The following POU2F1 variants were observed in gnomAD, a reference collection of about 807,000 sequenced individuals.
POU2F1 encodes POU class 2 homeobox 1, also known as POU domain, class 2, transcription factor 1.
POU2F1 carries 16 observed loss-of-function variants against 84.9 expected under a neutral mutation model. The ratio of observed to expected loss-of-function variants is 0.19; its 90% CI spans 0.13 to 0.29. POU2F1 has a LOEUF of 0.29. Ranked by LOEUF, POU2F1 falls within the 10% of genes least tolerant of loss-of-function variation. POU2F1 has a pLI of 1.00. For missense variants in POU2F1, 738 were observed against 942.6 expected (o/e 0.78, Z 2.84); for synonymous variants, 368 against 368.3 (o/e 1.00, Z 0.01).
intron 1 of POU2F1, among the ~76,000 whole-genome samples, chr1:167,232,467 GAA>G (rs1433415980): frequency 6.6e-6 from 1 of 152,160 alleles, no homozygotes; most frequent in African/African-American, 2.4e-5. Flanking sequence ...AGGATATAAA[GAA>G]AAATTTTTTG....
chr1:167,322,949 T>A (rs1376203673), intron 1 of POU2F1, among the ~76,000 whole-genome samples: 1 of 152,220 alleles, frequency 6.6e-6, no homozygotes, highest in African/African-American at 2.4e-5. Context: ...CTTGCCGTCA[T>A]TCCGGTAAAC....
intron 8 of POU2F1, 103 bp downstream of exon 8, chr1:167,384,054 T>C (rs565392890): frequency 1.0e-6 from 1 of 1,002,484 alleles, no homozygotes; most frequent in Non-Finnish European, 1.4e-6. Flanking sequence ...AATAATTCGG[T>C]CTTCGAAAAC....
chr1:167,235,524 A>G lies in POU2F1; in HGVS notation c.61+14566A>G, dbSNP rs555968221. ...GTTGGAATCACATCTTAGTAGTTAC[A>G]TAATGCCATCAGGACCAGTACGAGA... is the stretch of plus-strand genomic sequence containing the variant. On this transcript the variant is annotated intron_variant, in intron 1 of 15. Transcript: ENST00000367866. Among the ~76,000 whole-genome samples the G allele has an allele frequency of 3.9e-5, 6 of 152,360 alleles. No homozygotes were observed. The South Asian group carries it at 1.0e-3, about 26-fold the overall frequency.
intron 1 of POU2F1, among the ~76,000 whole-genome samples, chr1:167,321,485 C>T (rs776748950): frequency 2.6e-5 from 4 of 152,114 alleles, no homozygotes; most frequent in Admixed American, 6.5e-5. Context: ...GAATTAATGG[C>T]CCTAAGATCT....
chr1:167,380,433 A>AG (rs1483016862), intron 7 of POU2F1: 1 of 152,256 alleles, frequency 6.6e-6, no homozygotes, highest in Non-Finnish European at 1.5e-5. Context: ...GAGAATGAAA[A>AG]GGTTGTTCCT....
At chr1:167,372,096 A>G in intron 5 of POU2F1, 60 bp downstream of exon 5, 4 of 1,566,576 alleles carry the variant, frequency 2.6e-6, no homozygotes, top group Non-Finnish European at 2.6e-6. Flanking sequence ...GCCATTGGCC[A>G]ATAGCTGATT....
chr1:167,326,394 G>GCAAAA (rs150922182), intron 1 of POU2F1, among the ~76,000 whole-genome samples: 2 of 152,138 alleles, frequency 1.3e-5, no homozygotes, highest in Non-Finnish European at 2.9e-5. Context: ...GAACTTTGTG[G>GCAAAA]GAAAAGCTGT....
intron 1 of POU2F1, among the ~76,000 whole-genome samples, chr1:167,231,829 A>T (rs1649081854): frequency 6.6e-6 from 1 of 152,218 alleles, no homozygotes; most frequent in African/African-American, 2.4e-5. Context: ...TTACAATGAG[A>T]TGTGAAAGAT....
intron 13 of POU2F1, 103 bp from the exon 14 acceptor site, chr1:167,411,856 G>A (rs1649986694): frequency 5.7e-6 from 6 of 1,052,080 alleles, no homozygotes; most frequent in Non-Finnish European, 6.8e-6. Flanking sequence ...TTACTAGGTG[G>A]TAGGTTAATT....
intron 1 of POU2F1, among the ~76,000 whole-genome samples, chr1:167,263,517 CAA>C (rs796271018): frequency 7.7e-6 from 1 of 129,894 alleles, no homozygotes. Context: ...AACTCCGACT[CAA>C]AAAAAAAAAA....
chr1:167,261,488 T>C (rs2102435911), intron 1 of POU2F1, among the ~76,000 whole-genome samples: 1 of 152,218 alleles, frequency 6.6e-6, no homozygotes, highest in South Asian at 2.1e-4. Context: ...GATATAGGGA[T>C]AGATATAGCT....
chr1:167,305,280 C>T (rs558625929), intron 1 of POU2F1, among the ~76,000 whole-genome samples: 2 of 152,086 alleles, frequency 1.3e-5, no homozygotes, highest in African/African-American at 2.4e-5. Context: ...CTCCACCTCC[C>T]AGACTCACGT....
chr1:167,255,315 C>A (rs988071568), intron 1 of POU2F1, among the ~76,000 whole-genome samples: 1 of 152,092 alleles, frequency 6.6e-6, no homozygotes, highest in African/African-American at 2.4e-5. Context: ...TCTTGTTCTC[C>A]TAAGTGTTTT....
intron 1 of POU2F1, among the ~76,000 whole-genome samples, chr1:167,302,775 AT>A (rs1315675535): frequency 3.3e-5 from 5 of 152,202 alleles, no homozygotes; most frequent in Non-Finnish European, 7.4e-5. Flanking sequence ...TATACCAGTT[AT>A]ACTAATTATG....
chr1:167,357,560 G>A (rs564486866), intron 2 of POU2F1: 1 of 151,688 alleles, frequency 6.6e-6, no homozygotes, highest in Admixed American at 6.6e-5. Context: ...GGTATTTTTG[G>A]TAGAGATGGG....
chr1:167,314,631 G>A (rs551152370), intron 1 of POU2F1, among the ~76,000 whole-genome samples: 8 of 151,882 alleles, frequency 5.3e-5, no homozygotes, highest in East Asian at 3.9e-4. Context: ...AAAATAAGCC[G>A]GGCATTGTGG....
At chr1:167,340,431 C>CTTTTTTTT (rs761386225) in intron 2 of POU2F1, among the ~76,000 whole-genome samples, 84 of 122,234 alleles carry the variant, frequency 6.9e-4, no homozygotes, top group Non-Finnish European at 1.0e-3. Flanking sequence ...TTCTTTTTTT[C>CTTTTTTTT]TTTTTTTTTT....
In POU2F1 at chr1:167,375,970, T is replaced by C. The variant is rs1660298522; in HGVS notation, c.592-59T>C. On this transcript the variant is annotated intron_variant, in intron 6 of 15. Transcript: ENST00000367866. ...CAGAAGTCATCAGCTGGAAGCCTTA[T>C]AATTAAGCGAACTTTTATTTCAGAA... 3.1e-6 allele frequency: 5 copies of C among 1,595,634 alleles called. No homozygotes were observed. In the Admixed American group the frequency reaches 8.4e-5, roughly 27 times the overall value.
At chr1:167,374,688 A>G (rs894606434) in intron 6 of POU2F1, among the ~76,000 whole-genome samples, 2 of 152,156 alleles carry the variant, frequency 1.3e-5, no homozygotes, top group Non-Finnish European at 2.9e-5. Flanking sequence ...CATCTCTGCT[A>G]TGGAGTGATT....
Sources: allele counts gnomAD v4.1 joint callset (sites outside exome capture counted in the v4.1 genomes callset), GRCh38; gene constraint gnomAD v4.1.1; transcripts MANE v1.5; gene names NCBI Gene and HGNC (gene_info 2026-07-23, HGNC 2026-07-21).